PON2: variants seen among roughly 807,000 people sequenced by gnomAD.
PON2 encodes paraoxonase 2.
PON2 carries 27 observed loss-of-function variants against 36.6 expected under a neutral mutation model. That is an observed-to-expected ratio of 0.74 (90% CI 0.54 to 1.02). The LOEUF (loss-of-function observed/expected upper bound fraction) is 1.02, where lower values mean the gene tolerates loss of function less well. PON2 is among the 50% of genes least tolerant of loss of function. PON2 has a pLI of 0.00. For synonymous variants in PON2, 149 were observed against 156.3 expected, an observed-to-expected ratio of 0.95 and a Z score of 0.35; for missense variants, 363 against 421.1, an observed-to-expected ratio of 0.86 and a Z score of 1.21.
intron 3 of PON2, among the ~76,000 whole-genome samples, chr7:95,414,649 TA>T (rs1239509656): frequency 6.6e-6 from 1 of 151,980 alleles, no homozygotes; most frequent in Non-Finnish European, 1.5e-5. Context: ...AATAAACAAA[TA>T]AAAAAATCAA....
chr7:95,432,752 G>A (rs1025228556), intron 1 of PON2, among the ~76,000 whole-genome samples: 2 of 152,086 alleles, frequency 1.3e-5, no homozygotes, highest in African/African-American at 4.8e-5. Flanking sequence ...GAAAATTAAG[G>A]TCAACATGTC....
At chr7:95,406,290 C>T (rs1417969872) in intron 7 of PON2, 43 bp from the exon 8 acceptor site, 8 of 1,589,078 alleles carry the variant, frequency 5.0e-6, no homozygotes, top group East Asian at 2.2e-5. Flanking sequence ...ACATGAGAAA[C>T]TTGATTAAAT....
At chr7:95,425,122 T>A (rs1321038496) in intron 1 of PON2, among the ~76,000 whole-genome samples, 2 of 152,250 alleles carry the variant, frequency 1.3e-5, no homozygotes, top group African/African-American at 2.4e-5. Flanking sequence ...AGTATTTTTT[T>A]AAATAAGAAT....
Position 95,405,226 on chromosome 7 carries a change from G to A in PON2, c.*104C>T, listed in dbSNP as rs904953895. 1.3e-5 allele frequency: 16 copies of A among 1,227,466 alleles called. No homozygotes were observed. In the Middle Eastern group the frequency reaches 1.2e-3, roughly 92 times the overall value. The allele number at this position is 1,227,466 out of a possible 1,614,324, so 76.0% of individuals were successfully genotyped here. ...TACTGGAATAAAATTAACTACACAT[G>A]CCATACATTTCTGGGTCAATGTTGC... On this transcript the variant is annotated 3_prime_UTR_variant, in exon 9 of 9. Coordinates refer to ENST00000222572, the MANE Select transcript of PON2 (RefSeq NM_000305.3).
intron 3 of PON2, among the ~76,000 whole-genome samples, chr7:95,413,749 C>T (rs917250330): frequency 6.6e-6 from 1 of 151,994 alleles, no homozygotes; most frequent in African/African-American, 2.4e-5. Flanking sequence ...AATTTAGGCA[C>T]ACAATAAAAA....
At chr7:95,422,611 A>G (rs1386214220) in intron 2 of PON2, among the ~76,000 whole-genome samples, 1 of 152,238 alleles carries the variant, frequency 6.6e-6, no homozygotes, top group Non-Finnish European at 1.5e-5. Flanking sequence ...AATTATGTAC[A>G]GGAGTATTCA....
intron 1 of PON2, among the ~76,000 whole-genome samples, chr7:95,433,536 T>C (rs979706416): frequency 1.3e-5 from 2 of 152,202 alleles, no homozygotes; most frequent in Non-Finnish European, 2.9e-5. Context: ...CTAGTTATAT[T>C]AAGTTCTTGT....
chr7:95,405,471 G>C lies in PON2; in HGVS notation c.924C>G (p.Asn308Lys). 1.9e-6 allele frequency: 3 copies of C among 1,613,080 alleles called. No homozygotes were observed. The highest frequency in any genetic ancestry group is 2.5e-6 in the Non-Finnish European group (3 of 1,179,136). Residue 308 changes from asparagine (N) to lysine (K), a missense_variant, in exon 9 of 9, where the codon AAC (asparagine) becomes AAG (lysine). By Grantham distance (94) the Asn-to-Lys change is moderately conservative. Coordinates refer to ENST00000222572, the MANE Select transcript of PON2 (RefSeq NM_000305.3). The part of the protein sequence containing the change: ...PPSSEVLRIQ[N>K]ILSEKPTVTT... ...TCACTGTAGGCTTCTCAGATAGAATGTTCTGGATGCGGAGAACCTATTCAG... is the reference window on the plus strand; with the variant it reads ...TCACTGTAGGCTTCTCAGATAGAATCTTCTGGATGCGGAGAACCTATTCAG...
intron 1 of PON2, among the ~76,000 whole-genome samples, chr7:95,430,687 G>A (rs910322783): frequency 2.6e-5 from 4 of 151,802 alleles, no homozygotes; most frequent in Non-Finnish European, 4.4e-5. Flanking sequence ...TTGAGCCCAG[G>A]TGTTCTGGGT....
intron 1 of PON2, among the ~76,000 whole-genome samples, chr7:95,428,185 T>G (rs901285357): frequency 6.6e-6 from 1 of 152,232 alleles, no homozygotes; most frequent in Non-Finnish European, 1.5e-5. Flanking sequence ...GCTATTTGCC[T>G]TCTCTGTTTT....
intron 3 of PON2, chr7:95,412,778 C>T (rs1452537330): frequency 2.2e-5 from 9 of 413,020 alleles, no homozygotes; most frequent in Middle Eastern, 7.4e-4. Flanking sequence ...CATCTACATA[C>T]TGACTGTGGA....
rs770543457 is a variant in PON2, at chr7:95,407,064, TA to T, written c.699del (p.Tyr233Ter). On this transcript the variant is annotated frameshift_variant, in exon 7 of 9. Coordinates refer to ENST00000222572, the MANE Select transcript of PON2 (RefSeq NM_000305.3). LOFTEE classifies it high-confidence loss of function. The part of the protein sequence containing the change: ...NGINISPDDK[Y>X]IYVADILAHE... The stretch of plus-strand genomic sequence containing the variant: ...TGAGCCAATATGTCAGCAACATAGA[TA>T]TACCTTTGCAGAAAGGACACAGTGG... The T allele has an allele frequency of 6.3e-7, 1 of 1,588,992 alleles. No homozygotes were observed. Among genetic ancestry groups the T allele is most frequent in the Admixed American group, 1.7e-5 (1 of 59,852 alleles).
chr7:95,426,952 G>C (rs1056523540), intron 1 of PON2, among the ~76,000 whole-genome samples: 1 of 152,148 alleles, frequency 6.6e-6, no homozygotes, highest in African/African-American at 2.4e-5. Flanking sequence ...TGATGTGTTT[G>C]AAAAGTTTAA....
intron 1 of PON2, among the ~76,000 whole-genome samples, chr7:95,428,999 T>A (rs1271291968): frequency 1.3e-5 from 2 of 152,064 alleles, no homozygotes; most frequent in Admixed American, 1.3e-4. Context: ...AGTAGAGCTA[T>A]GAATGAACTC....
intron 8 of PON2, 147 bp downstream of exon 8, chr7:95,405,972 G>C (rs1809676023): frequency 1.2e-6 from 1 of 837,364 alleles, no homozygotes; most frequent in Non-Finnish European, 1.8e-6. Flanking sequence ...GCCAATTATT[G>C]GCTTAACGCA....
Position 95,406,178 on chromosome 7 carries a change from A to G in PON2, c.847T>C (p.Cys283Arg), listed in dbSNP as rs767963281. The change falls in exon 8 of 9, where the codon TGT (cysteine) becomes CGT (arginine). Residue 283 changes from cysteine to arginine, a missense_variant. Transcript: ENST00000222572. ...DPSSGDIWVGCHPNGQKLFVY... is the reference protein window; with the variant it reads ...DPSSGDIWVGRHPNGQKLFVY... ...AAGAGCTTCTGGCCATTAGGATGACAGCCTACCCAGATGTCCCCCGAGGAA... is the reference window on the plus strand; with the variant it reads ...AAGAGCTTCTGGCCATTAGGATGACGGCCTACCCAGATGTCCCCCGAGGAA... 15 of 1,613,296 alleles carry G rather than the reference A, an allele frequency of 9.3e-6. No individual in the cohort carries two copies. Among genetic ancestry groups the G allele is most frequent in the Non-Finnish European group, 1.3e-5 (15 of 1,179,372 alleles).
At chr7:95,424,294 ATAGAAT>A in intron 2 of PON2, 2 of 567,392 alleles carry the variant, frequency 3.5e-6, no homozygotes, top group East Asian at 5.9e-5. Context: ...AATGCTAAAC[ATAGAAT>A]TACACACAAA....
At position 95,407,034 on chromosome 7, in the gene PON2, T is replaced by C. The variant is rs1809716089; in HGVS notation, c.730A>G (p.Ile244Val). 1 of 1,598,040 alleles carries C rather than the reference T, an allele frequency of 6.3e-7. No homozygotes were observed. The highest frequency in any genetic ancestry group is 8.6e-7 in the Non-Finnish European group (1 of 1,165,874). Residue 244 changes from isoleucine to valine, a missense_variant, in exon 7 of 9, where the codon ATT becomes GTT. Coordinates refer to ENST00000222572, the MANE Select transcript of PON2 (RefSeq NM_000305.3). ...TTAGTGTGTTTTTCCAAAACATGAA[T>C]TTCATGAGCCAATATGTCAGCAACA... ...IYVADILAHE[I>V]HVLEKHTNMN...
intron 3 of PON2, chr7:95,412,722 G>T: frequency 2.0e-6 from 1 of 505,328 alleles, no homozygotes; most frequent in Non-Finnish European, 3.6e-6. Flanking sequence ...TCAGAAGGTT[G>T]GTGGACTAGG....
Sources: gnomAD v4.1 joint callset for allele counts (sites outside exome capture counted in the v4.1 genomes callset) on GRCh38, gnomAD v4.1.1 for gene constraint, MANE v1.5 for transcripts, NCBI Gene and HGNC (gene_info 2026-07-23, HGNC 2026-07-21) for gene names.